Variants in SKAP2 observed in about 807,000 individuals in gnomAD.
SKAP2 encodes the protein src kinase-associated phosphoprotein 2.
A neutral mutation model predicts 54.9 loss-of-function variants in SKAP2; 28 were observed. The ratio of observed to expected loss-of-function variants is 0.51; its 90% CI spans 0.38 to 0.70. The LOEUF is 0.70. Among genes scored for constraint, SKAP2 ranks in the 30% least tolerant of loss-of-function variants. The probability of loss-of-function intolerance (pLI) is 0.00; values close to 1 mark genes in which losing one functional copy is unlikely to be tolerated. For synonymous variants in SKAP2, 137 were observed against 134.3 expected (o/e 1.02, Z -0.14); for missense variants, 356 against 424.1 (o/e 0.84, Z 1.41).
chr7:26,657,010 G>A, the SKAP2 span, among the ~76,000 whole-genome samples: 133 of 152,182 alleles, frequency 8.7e-4, no homozygotes, highest in African/African-American at 2.9e-3. Context: ...TGAACAGCTG[G>A]AGGTTTAAGT....
chr7:26,791,324 G>A (rs548046461), intron 4 of SKAP2, among the ~76,000 whole-genome samples: 6 of 151,972 alleles, frequency 3.9e-5, no homozygotes, highest in South Asian at 2.1e-4. Context: ...GTGTGATCAC[G>A]GCTCACTGCT....
At chr7:26,813,957 G>A (rs1375481119) in intron 4 of SKAP2, among the ~76,000 whole-genome samples, 1 of 152,120 alleles carries the variant, frequency 6.6e-6, no homozygotes, top group Non-Finnish European at 1.5e-5. Context: ...AAACAATTCA[G>A]GGCGTTTCTT....
rs116661314 is a variant in SKAP2, at chr7:26,729,475, G to A, written c.470-2469C>T. The stretch of plus-strand genomic sequence containing the variant: ...TTATAAAAGTAAACAGATTCTGAAA[G>A]AGATGAAAGATGAAACAATGTAATA... On this transcript the variant is annotated intron_variant, in intron 6 of 12. Transcript: ENST00000345317. Among the ~76,000 whole-genome samples, 522 of 152,204 alleles carry A rather than the reference G, an allele frequency of 3.4e-3. 4 individuals carry two copies. The highest frequency in any genetic ancestry group is 0.012 in the African/African-American group (510 of 41,534).
intron 4 of SKAP2, among the ~76,000 whole-genome samples, chr7:26,784,329 C>G (rs1379388410): frequency 2.6e-5 from 4 of 152,132 alleles, no homozygotes; most frequent in Non-Finnish European, 5.9e-5. Context: ...ATTTGAAGAT[C>G]CCCAATCATT....
At chr7:26,776,993 G>T (rs1783325587) in intron 4 of SKAP2, among the ~76,000 whole-genome samples, 1 of 152,040 alleles carries the variant, frequency 6.6e-6, no homozygotes, top group African/African-American at 2.4e-5. Flanking sequence ...CAGTGATTCA[G>T]GTCTCCAAAT....
rs547352468 is a variant in SKAP2 at position 26,710,381 on chromosome 7, A to G, written c.796+15047T>C. On this transcript the variant is annotated intron_variant, in intron 9 of 12. Transcript: ENST00000345317. The stretch of plus-strand genomic sequence containing the variant: ...TTAATATTCAAATGAATGGTGTTAG[A>G]AAAGTTTAGAGAAGCTCAGAGAAGC... 2.0e-5 allele frequency among the ~76,000 whole-genome samples: 3 copies of G among 152,330 alleles called. No homozygotes were observed. In the South Asian group the frequency reaches 6.2e-4, roughly 32 times the overall value.
chr7:26,753,814 C>T (rs185925823), intron 4 of SKAP2, among the ~76,000 whole-genome samples: 156 of 152,086 alleles, frequency 1.0e-3, no homozygotes, highest in Non-Finnish European at 1.4e-3. Context: ...TGCAATTCCC[C>T]ACTAATAAAG....
chr7:26,696,272 A>G (rs1195986922), intron 9 of SKAP2, among the ~76,000 whole-genome samples: 1 of 152,230 alleles, frequency 6.6e-6, no homozygotes, highest in Non-Finnish European at 1.5e-5. Flanking sequence ...TTAGCATTAT[A>G]CAAACTTCAG....
chr7:26,839,598 A>T lies in SKAP2; in HGVS notation c.307+4432T>A, dbSNP rs1012167846. Among the ~76,000 whole-genome samples the T allele has an allele frequency of 3.9e-5, 6 of 152,036 alleles. 1 individual carries two copies. The highest frequency in any genetic ancestry group is 3.4e-3 in the Middle Eastern group (1 of 294). Reference sequence around the variant, plus strand: ...ACCCTAAATGCTAAGTTATTGAAAAATTTTTTTTCTAGTTTTAAACATTGT... The same window carrying T: ...ACCCTAAATGCTAAGTTATTGAAAATTTTTTTTTCTAGTTTTAAACATTGT... On this transcript the variant is annotated intron_variant, in intron 4 of 12. Transcript: ENST00000345317.
At chr7:26,771,071 C>T (rs1783179931) in intron 4 of SKAP2, among the ~76,000 whole-genome samples, 1 of 152,168 alleles carries the variant, frequency 6.6e-6, no homozygotes, top group Non-Finnish European at 1.5e-5. Flanking sequence ...ATCTATAACA[C>T]AGCAGTCATT....
chr7:26,727,213 T>G (rs1359489812), intron 6 of SKAP2, among the ~76,000 whole-genome samples: 2 of 152,122 alleles, frequency 1.3e-5, no homozygotes, highest in Non-Finnish European at 2.9e-5. Flanking sequence ...CAAGGAGGTC[T>G]GCAGATCATG....
At chr7:26,827,841 T>C (rs899845380) in intron 4 of SKAP2, among the ~76,000 whole-genome samples, 1 of 152,206 alleles carries the variant, frequency 6.6e-6, no homozygotes, top group East Asian at 1.9e-4. Context: ...CAGTAACAAA[T>C]AGATCACAAA....
At chr7:26,761,104 A>C (rs184084708) in intron 4 of SKAP2, among the ~76,000 whole-genome samples, 1 of 152,308 alleles carries the variant, frequency 6.6e-6, no homozygotes, top group African/African-American at 2.4e-5. Context: ...CTGGTCTTTA[A>C]AAATAAATCT....
At chr7:26,686,034 C>T (rs1301482991) in intron 10 of SKAP2, among the ~76,000 whole-genome samples, 1 of 152,014 alleles carries the variant, frequency 6.6e-6, no homozygotes, top group Non-Finnish European at 1.5e-5. Flanking sequence ...TTTGGTGATT[C>T]CAACACAACT....
At chr7:26,691,777 A>T (rs573420513) in intron 9 of SKAP2, among the ~76,000 whole-genome samples, 1 of 152,212 alleles carries the variant, frequency 6.6e-6, no homozygotes, top group Non-Finnish European at 1.5e-5. Context: ...GATAAGAAGG[A>T]TATTTCCGGA....
At chr7:26,782,898 G>C (rs948399763) in intron 4 of SKAP2, among the ~76,000 whole-genome samples, 6 of 152,256 alleles carry the variant, frequency 3.9e-5, no homozygotes, top group African/African-American at 1.4e-4. Context: ...AACTGTGAGC[G>C]ATAAATATCT....
intron 4 of SKAP2, among the ~76,000 whole-genome samples, chr7:26,841,217 G>A (rs1784810521): frequency 6.6e-6 from 1 of 151,966 alleles, no homozygotes; most frequent in Non-Finnish European, 1.5e-5. Context: ...TTAATCTGGT[G>A]TACCAAGGTC....
chr7:26,814,339 C>T (rs1784220553), intron 4 of SKAP2, among the ~76,000 whole-genome samples: 1 of 152,112 alleles, frequency 6.6e-6, no homozygotes. Context: ...TGAATCATTT[C>T]ACTGACATCT....
In SKAP2 at chr7:26,846,329, A is replaced by G. The variant is rs149507959; in HGVS notation, c.200-2192T>C. Among the ~76,000 whole-genome samples the G allele has an allele frequency of 4.5e-3, 678 of 152,286 alleles. 5 individuals are homozygous for G. Among genetic ancestry groups the G allele is most frequent in the African/African-American group, 0.015 (637 of 41,562 alleles). On this transcript the variant is annotated intron_variant, in intron 3 of 12. Coordinates refer to ENST00000345317, the MANE Select transcript of SKAP2 (RefSeq NM_003930.5). ...AAAAAATTCAGATATTCAGGCTTAA[A>G]TTATATTAAATTCTAGGTGGAAGTA...
Sources: gnomAD v4.1 joint callset for allele counts (sites outside exome capture counted in the v4.1 genomes callset) on GRCh38, gnomAD v4.1.1 for gene constraint, MANE v1.5 for transcripts, NCBI Gene and HGNC (gene_info 2026-07-23, HGNC 2026-07-21) for gene names.